FDFT1: variants seen among roughly 807,000 people sequenced by gnomAD.
FDFT1 encodes squalene synthase.
A neutral mutation model predicts 46.8 loss-of-function variants in FDFT1; 68 were observed. That is an observed-to-expected ratio of 1.45 (90% CI 1.19 to 1.78). The LOEUF (loss-of-function observed/expected upper bound fraction) is 1.78. FDFT1 is among the 40% of genes most tolerant of loss of function. FDFT1 has a pLI of 0.00. For missense variants in FDFT1, 928 were observed against 524.4 expected (o/e 1.77, Z -7.52); for synonymous variants, 351 against 185.1 (o/e 1.90, Z -7.28).
intron 7 of FDFT1, among the ~76,000 whole-genome samples, chr8:11,833,378 C>G (rs561926256): frequency 2.2e-4 from 34 of 152,260 alleles, no homozygotes; most frequent in African/African-American, 3.1e-4. Context: ...GTTCAACTAC[C>G]CTTTCTAAAT....
chr8:11,831,817 GA>G, intron 7 of FDFT1, 147 bp downstream of exon 7: 2 of 708,634 alleles, frequency 2.8e-6, no homozygotes, highest in Middle Eastern at 4.0e-4. Context: ...CCTTTATAAG[GA>G]AAAAAGTCTA....
At chr8:11,810,967 T>TGG (rs1396095408) in intron 3 of FDFT1, among the ~76,000 whole-genome samples, 12 of 147,470 alleles carry the variant, frequency 8.1e-5, no homozygotes, top group African/African-American at 2.7e-4. Context: ...AAGGAATGTT[T>TGG]GGGGAAGACT....
intron 4 of FDFT1, among the ~76,000 whole-genome samples, chr8:11,825,630 A>G (rs1311253742): frequency 4.0e-5 from 6 of 150,874 alleles, no homozygotes; most frequent in African/African-American, 1.5e-4. Context: ...AGGCAGAAAG[A>G]TTGCTTGGGT....
chr8:11,831,698 A>G (rs1395695843), intron 7 of FDFT1, 28 bp downstream of exon 7: 1 of 1,574,664 alleles, frequency 6.4e-7, no homozygotes, highest in Non-Finnish European at 8.7e-7. Context: ...TACTTGGATA[A>G]TTTGTAGCTA....
At chr8:11,805,504 T>C (rs73547704) in intron 1 of FDFT1, among the ~76,000 whole-genome samples, 1,715 of 152,338 alleles carry the variant, frequency 0.011, 24 homozygotes, top group African/African-American at 0.037. Context: ...AAGTCTGTTA[T>C]TAAGTCCGAT....
At chr8:11,832,537 G>A (rs902014104) in intron 7 of FDFT1, among the ~76,000 whole-genome samples, 1 of 65,274 alleles carries the variant, frequency 1.5e-5, no homozygotes, top group African/African-American at 4.4e-5. Context: ...GGGTGATAGA[G>A]TGAGACTTTG....
intron 3 of FDFT1, among the ~76,000 whole-genome samples, chr8:11,812,684 T>C: frequency 6.6e-6 from 1 of 152,238 alleles, no homozygotes; most frequent in Admixed American, 6.5e-5. Context: ...ATATAGTATG[T>C]GGGCCTCCAT....
At chr8:11,797,121 T>G (rs1214462858) in intron 1 of FDFT1, among the ~76,000 whole-genome samples, 2 of 152,224 alleles carry the variant, frequency 1.3e-5, no homozygotes, top group Admixed American at 6.5e-5. Flanking sequence ...TAAACTGACA[T>G]GGCAAACTGG....
chr8:11,818,445 A>C (rs564915543), intron 3 of FDFT1, among the ~76,000 whole-genome samples: 31 of 152,316 alleles, frequency 2.0e-4, no homozygotes, highest in African/African-American at 7.5e-4. Flanking sequence ...TGATCTATCT[A>C]ATATTGACAG....
intron 7 of FDFT1, among the ~76,000 whole-genome samples, chr8:11,835,310 G>C (rs1036913426): frequency 6.6e-6 from 1 of 152,186 alleles, no homozygotes; most frequent in Admixed American, 6.5e-5. Context: ...GTTTGGTCTA[G>C]CAACGAAGCA....
At chr8:11,802,310 C>T, upstream of FDFT1, 2 of 398,182 alleles carry the variant, frequency 5.0e-6, no homozygotes, top group South Asian at 1.8e-5. Flanking sequence ...GCCACCGAGG[C>T]CGGACACGTG....
chr8:11,834,821 G>T (rs764642211), intron 7 of FDFT1, among the ~76,000 whole-genome samples: 1 of 152,150 alleles, frequency 6.6e-6, no homozygotes, highest in Admixed American at 6.5e-5. Flanking sequence ...ATTTATAGGA[G>T]CCTGTGTCAT....
rs1014817068 is a variant in FDFT1 at position 11,821,876 on chromosome 8, A to G, written c.508A>G (p.Lys170Glu). ...TGTGACCTCTGAACAGGAGTGGGAC[A>G]AGGTTAGTCTCATAAAACAGTGTCT... ...KHVTSEQEWD[K>E]YCHYVAGLVG... Residue 170 changes from lysine to glutamate, a missense_variant and splice_region_variant, in exon 4 of 8, where the codon AAG becomes GAG. Coordinates refer to ENST00000220584, the MANE Select transcript of FDFT1 (RefSeq NM_004462.5). 1 of 1,612,646 alleles carries G rather than the reference A, an allele frequency of 6.2e-7. No individual in the cohort carries two copies. Among genetic ancestry groups the G allele is most frequent in the African/African-American group, 1.3e-5 (1 of 74,900 alleles).
At chr8:11,800,260 CAAAAAAAAAAAAAAA>C (rs57381182), upstream of FDFT1, among the ~76,000 whole-genome samples, 205 of 57,928 alleles carry the variant, frequency 3.5e-3, 2 homozygotes, top group African/African-American at 0.015. Flanking sequence ...AATTCTGTCT[CAAAAAAAAAAAAAAA>C]AAAAAAAAAA....
intron 3 of FDFT1, among the ~76,000 whole-genome samples, chr8:11,813,105 A>G (rs899075774): frequency 6.6e-6 from 1 of 152,200 alleles, no homozygotes; most frequent in South Asian, 2.1e-4. Context: ...GCACAGTGGT[A>G]AGTATTTGTG....
chr8:11,824,102 G>T (rs1809634173), intron 4 of FDFT1, among the ~76,000 whole-genome samples: 1 of 152,126 alleles, frequency 6.6e-6, no homozygotes, highest in Non-Finnish European at 1.5e-5. Context: ...GGCTCAAGCA[G>T]TCCCCTCTCC....
chr8:11,810,023 G>T, intron 3 of FDFT1, 173 bp downstream of exon 3: 2 of 543,860 alleles, frequency 3.7e-6, no homozygotes, highest in Non-Finnish European at 3.2e-6. Flanking sequence ...TGCCTGGGTT[G>T]GAATCTCAAA....
chr8:11,807,211 C>A (rs1165779072), intron 1 of FDFT1, among the ~76,000 whole-genome samples: 1 of 152,102 alleles, frequency 6.6e-6, no homozygotes, highest in African/African-American at 2.4e-5. Flanking sequence ...TATCATAGTT[C>A]ACTGTAACGT....
intron 5 of FDFT1, 27 bp downstream of exon 5, chr8:11,826,242 A>T: frequency 6.9e-7 from 1 of 1,454,660 alleles, no homozygotes; most frequent in Admixed American, 2.2e-5. Context: ...ATTTTGGGGG[A>T]AAATAACTTT....
Sources: allele counts gnomAD v4.1 joint callset (sites outside exome capture counted in the v4.1 genomes callset), GRCh38; gene constraint gnomAD v4.1.1; transcripts MANE v1.5; gene names NCBI Gene and HGNC (gene_info 2026-07-23, HGNC 2026-07-21).